Variants in LHFPL3 observed in about 807,000 individuals in gnomAD.
LHFPL3 encodes LHFPL tetraspan subfamily member 3.
A neutral mutation model predicts 19.3 loss-of-function variants in LHFPL3; 5 were observed. That is an observed-to-expected ratio of 0.26 (90% CI 0.14 to 0.54). LHFPL3 has a LOEUF of 0.54. LHFPL3 is among the 20% of genes least tolerant of loss of function. The pLI is 0.94. For missense variants in LHFPL3, 249 were observed against 307.4 expected (o/e 0.81, Z 1.42); for synonymous variants, 133 against 126.2 (o/e 1.05, Z -0.36).
rs892096292 is a variant in LHFPL3 at position 104,498,150 on chromosome 7, G to A, written c.445+168926G>A. Among the ~76,000 whole-genome samples, 6 of 152,146 alleles carry A rather than the reference G, an allele frequency of 3.9e-5. No homozygotes were observed. The East Asian group carries it at 5.8e-4, about 15-fold the overall frequency. On this transcript the variant is annotated intron_variant, in intron 1 of 2. Coordinates refer to ENST00000424859, the MANE Select transcript of LHFPL3 (RefSeq NM_199000.3). ...CAAAATAATAATGCCTGTACCACAG[G>A]GCTATTGTGAGAATTAAATATAATA...
intron 1 of LHFPL3, among the ~76,000 whole-genome samples, chr7:104,662,387 C>G (rs1792240425): frequency 6.6e-6 from 1 of 152,052 alleles, no homozygotes; most frequent in South Asian, 2.1e-4. Context: ...CTCATTTAAT[C>G]CCCCCAAGGA....
intron 2 of LHFPL3, among the ~76,000 whole-genome samples, chr7:104,825,145 T>C (rs891793989): frequency 2.0e-5 from 3 of 151,008 alleles, no homozygotes; most frequent in Admixed American, 6.6e-5. Context: ...AAAATAATAA[T>C]AATAAATAAA....
chr7:104,829,325 CTTT>C (rs199814222), intron 2 of LHFPL3, among the ~76,000 whole-genome samples: 1 of 148,314 alleles, frequency 6.7e-6, no homozygotes, highest in Non-Finnish European at 1.5e-5. Context: ...GTCATAGCTG[CTTT>C]TTTTTTTAAT....
At chr7:104,725,976 C>T (rs554332873) in intron 1 of LHFPL3, among the ~76,000 whole-genome samples, 24 of 139,468 alleles carry the variant, frequency 1.7e-4, no homozygotes, top group South Asian at 1.2e-3. Context: ...TGCTTTAACC[C>T]GGGAGGTAGA....
At chr7:104,698,304 T>G (rs984772731) in intron 1 of LHFPL3, among the ~76,000 whole-genome samples, 1 of 152,206 alleles carries the variant, frequency 6.6e-6, no homozygotes, top group Non-Finnish European at 1.5e-5. Flanking sequence ...CTTTCCCACA[T>G]AGTAGCAAGA....
At chr7:104,543,952 G>T (rs2115885076) in intron 1 of LHFPL3, among the ~76,000 whole-genome samples, 1 of 149,882 alleles carries the variant, frequency 6.7e-6, no homozygotes, top group Middle Eastern at 3.5e-3. Flanking sequence ...ATGACAGGTT[G>T]ATAGGTGCAG....
At chr7:104,445,330 G>A (rs542845438) in intron 1 of LHFPL3, among the ~76,000 whole-genome samples, 10 of 152,300 alleles carry the variant, frequency 6.6e-5, no homozygotes, top group African/African-American at 2.2e-4. Flanking sequence ...CAGAGTTCCT[G>A]GATCCATCTG....
At chr7:104,371,946 A>G (rs754638981) in intron 1 of LHFPL3, among the ~76,000 whole-genome samples, 1 of 152,228 alleles carries the variant, frequency 6.6e-6, no homozygotes, top group Non-Finnish European at 1.5e-5. Context: ...CTAGTTGAGA[A>G]CATCAGAGAG....
At chr7:104,560,616 C>G (rs1789970189) in intron 1 of LHFPL3, among the ~76,000 whole-genome samples, 1 of 148,712 alleles carries the variant, frequency 6.7e-6, no homozygotes, top group South Asian at 2.1e-4. Context: ...TTTTGTTGAT[C>G]CTTTCAGAAA....
intron 2 of LHFPL3, among the ~76,000 whole-genome samples, chr7:104,832,706 G>A (rs1339044403): frequency 1.3e-5 from 2 of 148,688 alleles, no homozygotes; most frequent in East Asian, 2.0e-4. Flanking sequence ...GATGGGCACG[G>A]TGGCTCACTC....
intron 2 of LHFPL3, among the ~76,000 whole-genome samples, chr7:104,828,993 C>A (rs573360714): frequency 6.6e-6 from 1 of 151,056 alleles, no homozygotes; most frequent in South Asian, 2.1e-4. Flanking sequence ...CAAGATCGTA[C>A]CGCTGCCTGC....
chr7:104,859,254 A>G (rs187466823), intron 2 of LHFPL3, among the ~76,000 whole-genome samples: 37 of 150,318 alleles, frequency 2.5e-4, no homozygotes, highest in African/African-American at 8.6e-4. Context: ...GCAACAGAGT[A>G]AGACACTGTC....
intron 1 of LHFPL3, among the ~76,000 whole-genome samples, chr7:104,605,394 A>G (rs766982986): frequency 2.0e-5 from 3 of 152,242 alleles, no homozygotes; most frequent in African/African-American, 2.4e-5. Flanking sequence ...ACAGTGATAG[A>G]CAGGTATACT....
intron 1 of LHFPL3, among the ~76,000 whole-genome samples, chr7:104,532,587 C>T (rs1229183941): frequency 6.6e-6 from 1 of 152,078 alleles, no homozygotes; most frequent in African/African-American, 2.4e-5. Flanking sequence ...GGAAATCCTT[C>T]TCTCTCTCCA....
chr7:104,779,540 G>A (rs1044945297), intron 2 of LHFPL3, among the ~76,000 whole-genome samples: 1 of 152,060 alleles, frequency 6.6e-6, no homozygotes, highest in Non-Finnish European at 1.5e-5. Context: ...TGTGGCTGGT[G>A]TGTTTCCCCT....
At chr7:104,880,182 C>T (rs1299001652) in intron 2 of LHFPL3, among the ~76,000 whole-genome samples, 1 of 152,048 alleles carries the variant, frequency 6.6e-6, no homozygotes, top group Non-Finnish European at 1.5e-5. Context: ...GGGGTGGATC[C>T]CTCATGAATG....
intron 1 of LHFPL3, among the ~76,000 whole-genome samples, chr7:104,403,343 A>G (rs1465525558): frequency 6.6e-6 from 1 of 152,208 alleles, no homozygotes; most frequent in East Asian, 1.9e-4. Flanking sequence ...ATAGCACAGT[A>G]TGATGGAATC....
intron 1 of LHFPL3, among the ~76,000 whole-genome samples, chr7:104,543,739 G>T: frequency 8.2e-6 from 1 of 122,612 alleles, no homozygotes; most frequent in South Asian, 3.2e-4. Context: ...CACAGGAAGG[G>T]GAACATCACA....
At chr7:104,670,866 G>GTT (rs71155517) in intron 1 of LHFPL3, among the ~76,000 whole-genome samples, 13,433 of 143,952 alleles carry the variant, frequency 0.093, 808 homozygotes, top group East Asian at 0.18. Flanking sequence ...GTTTTGTTTT[G>GTT]TTTTTTTTTT....
Sources: gnomAD v4.1 joint callset for allele counts (sites outside exome capture counted in the v4.1 genomes callset) on GRCh38, gnomAD v4.1.1 for gene constraint, MANE v1.5 for transcripts, NCBI Gene and HGNC (gene_info 2026-07-23, HGNC 2026-07-21) for gene names.